CFAP77: variants seen among roughly 807,000 people sequenced by gnomAD.
The protein encoded by CFAP77 is cilia and flagella associated protein 77, also known as cilia- and flagella-associated protein 77.
In CFAP77, 25 loss-of-function variants were observed where a neutral mutation model predicts 31.1. That is an observed-to-expected ratio of 0.80 (90% CI 0.59 to 1.12). The LOEUF is 1.12. CFAP77 is among the 50% of genes most tolerant of loss of function. The pLI, the probability that CFAP77 is intolerant of heterozygous loss-of-function variation, is 0.00. For synonymous variants in CFAP77, 151 were observed against 159.9 expected, an observed-to-expected ratio of 0.94 and a Z score of 0.42; for missense variants, 377 against 397.3, an observed-to-expected ratio of 0.95 and a Z score of 0.44.
intron 3 of CFAP77, among the ~76,000 whole-genome samples, chr9:132,500,207 C>G (rs1374286826): frequency 2.6e-5 from 4 of 151,580 alleles, no homozygotes; most frequent in Non-Finnish European, 2.9e-5. Context: ...GATGGGAGAG[C>G]CTGCCAAGTT....
chr9:132,457,807 G>A (rs58598967), intron 1 of CFAP77, among the ~76,000 whole-genome samples: 10,855 of 152,320 alleles, frequency 0.071, 451 homozygotes, highest in South Asian at 0.12. Flanking sequence ...AGGGAGACGC[G>A]AAGGCGGGGA....
intron 3 of CFAP77, among the ~76,000 whole-genome samples, chr9:132,525,185 G>C (rs1462056845): frequency 2.0e-5 from 3 of 151,638 alleles, no homozygotes; most frequent in Non-Finnish European, 2.9e-5. Context: ...ACGCCTGGCT[G>C]ATTTTTGTGT....
rs1554738863 is a variant in CFAP77, at chr9:132,458,357, G to GGTGGGGT, written c.196-40335_196-40334insGGGTGTG. Among the ~76,000 whole-genome samples, 576 of 118,644 alleles carry GGTGGGGT rather than the reference G, an allele frequency of 4.9e-3. 5 individuals are homozygous for GGTGGGGT. The highest frequency in any genetic ancestry group is 0.012 in the East Asian group (44 of 3,682). The allele number at this position is 118,644 out of a possible 152,430, so 77.8% of individuals were successfully genotyped here. ...GTCTCCCTGGCGGGGGAGGGGGGGG[G>GGTGGGGT]GTGTGTATGGAAGGCTCAGCTCATC... On this transcript the variant is annotated intron_variant, in intron 1 of 5. Transcript: ENST00000393216.
chr9:132,482,587 T>C (rs1295261069), intron 1 of CFAP77, among the ~76,000 whole-genome samples: 3 of 151,990 alleles, frequency 2.0e-5, no homozygotes, highest in African/African-American at 4.8e-5. Context: ...TTATTCCCTG[T>C]TTAATGAGTG....
chr9:132,414,787 C>A (rs1850068628), intron 1 of CFAP77, among the ~76,000 whole-genome samples: 2 of 152,150 alleles, frequency 1.3e-5, no homozygotes. Context: ...GTTTACAAGA[C>A]CCAGTGCTGC....
chr9:132,445,862 C>T (rs1384178051), intron 1 of CFAP77, among the ~76,000 whole-genome samples: 5 of 136,948 alleles, frequency 3.7e-5, no homozygotes, highest in Non-Finnish European at 7.7e-5. Flanking sequence ...GAGTGAGACT[C>T]GATCTCAAAA....
At chr9:132,534,996 A>T (rs1852520179) in intron 3 of CFAP77, among the ~76,000 whole-genome samples, 1 of 152,208 alleles carries the variant, frequency 6.6e-6, no homozygotes, top group African/African-American at 2.4e-5. Context: ...CCATTTCTCC[A>T]GTGATCCCCG....
intron 1 of CFAP77, among the ~76,000 whole-genome samples, chr9:132,482,667 C>T (rs571821660): frequency 2.1e-4 from 32 of 151,840 alleles, no homozygotes; most frequent in Admixed American, 5.3e-4. Context: ...GATCAGAGTC[C>T]GGTTCCAATC....
intron 1 of CFAP77, among the ~76,000 whole-genome samples, chr9:132,436,603 C>T (rs1850508962): frequency 6.6e-6 from 1 of 151,970 alleles, no homozygotes; most frequent in South Asian, 2.1e-4. Flanking sequence ...AAGATATATG[C>T]AGAGTGATCT....
chr9:132,553,993 A>G (rs1441641338), intron 5 of CFAP77, among the ~76,000 whole-genome samples: 4 of 152,212 alleles, frequency 2.6e-5, no homozygotes, highest in South Asian at 2.1e-4. Flanking sequence ...CATGTCTTCA[A>G]TGCCTACACT....
intron 1 of CFAP77, among the ~76,000 whole-genome samples, chr9:132,478,634 C>T (rs1851392815): frequency 6.6e-6 from 1 of 152,140 alleles, no homozygotes; most frequent in African/African-American, 2.4e-5. Context: ...TTCTCCAAGG[C>T]AGATGGGGCC....
chr9:132,484,048 T>C (rs1053522418), intron 1 of CFAP77, among the ~76,000 whole-genome samples: 1 of 151,548 alleles, frequency 6.6e-6, no homozygotes, highest in African/African-American at 2.4e-5. Context: ...GAGATTCTCC[T>C]GCCTCAGCCT....
chr9:132,471,752 G>A (rs2131736208), intron 1 of CFAP77, among the ~76,000 whole-genome samples: 1 of 152,182 alleles, frequency 6.6e-6, no homozygotes, highest in African/African-American at 2.4e-5. Context: ...CCAAGCTGGA[G>A]TGCATTGGTG....
intron 4 of CFAP77, among the ~76,000 whole-genome samples, chr9:132,538,840 C>T (rs188573186): frequency 5.3e-5 from 8 of 151,986 alleles, no homozygotes; most frequent in Admixed American, 5.2e-4. Context: ...GTAATCCCAG[C>T]ACTTTGAGAG....
intron 1 of CFAP77, among the ~76,000 whole-genome samples, chr9:132,474,362 C>G: frequency 6.6e-6 from 1 of 152,140 alleles, no homozygotes; most frequent in Admixed American, 6.5e-5. Flanking sequence ...ACTCGTTCAC[C>G]CAAACACGTA....
chr9:132,469,941 G>A (rs947388362), intron 1 of CFAP77, among the ~76,000 whole-genome samples: 5 of 151,514 alleles, frequency 3.3e-5, no homozygotes, highest in Admixed American at 3.3e-4. Context: ...GTGGGTTCAA[G>A]CGATTCTCCT....
chr9:132,491,454 C>T (rs766799814), intron 1 of CFAP77, among the ~76,000 whole-genome samples: 2 of 152,168 alleles, frequency 1.3e-5, no homozygotes, highest in Non-Finnish European at 2.9e-5. Context: ...GCAACAAGAG[C>T]GAAACTCCAT....
At chr9:132,457,721 A>G (rs1850946744) in intron 1 of CFAP77, among the ~76,000 whole-genome samples, 1 of 152,248 alleles carries the variant, frequency 6.6e-6, no homozygotes, top group Admixed American at 6.5e-5. Flanking sequence ...CCACCTTGGT[A>G]ATATTTCAAG....
chr9:132,421,092 C>T, intron 1 of CFAP77, among the ~76,000 whole-genome samples: 1 of 150,786 alleles, frequency 6.6e-6, no homozygotes, highest in East Asian at 2.0e-4. Flanking sequence ...ACTGCAACCT[C>T]CATCTCCTGG....
Sources: gnomAD v4.1 joint callset for allele counts (sites outside exome capture counted in the v4.1 genomes callset) on GRCh38, gnomAD v4.1.1 for gene constraint, MANE v1.5 for transcripts, NCBI Gene and HGNC (gene_info 2026-07-23, HGNC 2026-07-21) for gene names.